ZNF251: variants seen among roughly 807,000 people sequenced by gnomAD.
The protein encoded by ZNF251 is zinc finger protein 251.
Under a neutral mutation model 13.5 loss-of-function variants are expected in ZNF251, and 14 were observed. That is an observed-to-expected ratio of 1.04 (90% CI 0.69 to 1.63). The LOEUF is 1.63. ZNF251 is among the 40% of genes most tolerant of loss of function. ZNF251 has a pLI of 0.00. For synonymous variants in ZNF251, 287 were observed against 295.2 expected (o/e 0.97, Z 0.28); for missense variants, 764 against 834.9 (o/e 0.92, Z 1.05).
At chr8:144,744,445 T>C (rs533506313) in intron 4 of ZNF251, among the ~76,000 whole-genome samples, 96 of 152,300 alleles carry the variant, frequency 6.3e-4, no homozygotes, top group African/African-American at 2.1e-3. Flanking sequence ...AGTTTTGTGG[T>C]TTACATTTAG....
chr8:144,754,590 C>T (rs1824866193), intron 2 of ZNF251, 106 bp downstream of exon 2: 3 of 1,478,642 alleles, frequency 2.0e-6, no homozygotes, highest in Admixed American at 5.3e-5. Flanking sequence ...CTATGAGCCC[C>T]TGGCTGGCCT....
intron 4 of ZNF251, among the ~76,000 whole-genome samples, chr8:144,737,938 G>A (rs1003129700): frequency 6.6e-6 from 1 of 151,920 alleles, no homozygotes; most frequent in Non-Finnish European, 1.5e-5. Flanking sequence ...TCTGGTCAGG[G>A]TGCAGCAGAT....
intron 2 of ZNF251, 100 bp downstream of exon 2, chr8:144,754,596 G>A: frequency 1.3e-6 from 2 of 1,491,372 alleles, no homozygotes; most frequent in Middle Eastern, 1.8e-4. Context: ...GCCCCTGGCT[G>A]GCCTTACCAG....
chr8:144,736,047 C>A (rs1823878391), intron 4 of ZNF251, among the ~76,000 whole-genome samples: 1 of 152,208 alleles, frequency 6.6e-6, no homozygotes, highest in Admixed American at 6.5e-5. Flanking sequence ...AAGAACCGGA[C>A]CCTCATGGGC....
At chr8:144,731,924 T>G (rs1823706855) in intron 4 of ZNF251, among the ~76,000 whole-genome samples, 1 of 147,228 alleles carries the variant, frequency 6.8e-6, no homozygotes, top group African/African-American at 2.6e-5. Flanking sequence ...TTAAATTCAA[T>G]AAAGGACATG....
In ZNF251 at chr8:144,724,070, C is replaced by T. The variant is rs535955060; in HGVS notation, c.278-688G>A. On this transcript the variant is annotated intron_variant, in intron 4 of 4. Transcript: ENST00000292562. Reference sequence around the variant, plus strand: ...CATCCTGGGTAACACGGTGAAACCCCGTCTCTACTAAAAATACAAAAAAAT... The same window carrying T: ...CATCCTGGGTAACACGGTGAAACCCTGTCTCTACTAAAAATACAAAAAAAT... Among the ~76,000 whole-genome samples, 177 of 152,014 alleles carry T rather than the reference C, an allele frequency of 1.2e-3. 1 individual carries two copies. The highest frequency in any genetic ancestry group is 3.8e-3 in the African/African-American group (159 of 41,476).
At chr8:144,742,343 C>G (rs1440077684) in intron 4 of ZNF251, among the ~76,000 whole-genome samples, 1 of 152,034 alleles carries the variant, frequency 6.6e-6, no homozygotes, top group African/African-American at 2.4e-5. Flanking sequence ...AAACTCAGAT[C>G]ATCAGAAAGG....
chr8:144,726,156 C>T (rs942712423), intron 4 of ZNF251, among the ~76,000 whole-genome samples: 3 of 144,464 alleles, frequency 2.1e-5, no homozygotes, highest in Non-Finnish European at 4.5e-5. Flanking sequence ...GAGATTGTGC[C>T]ACTGCACTCC....
At chr8:144,731,555 C>T (rs1823694896) in intron 4 of ZNF251, among the ~76,000 whole-genome samples, 1 of 150,714 alleles carries the variant, frequency 6.6e-6, no homozygotes. Flanking sequence ...AAGGAAGCGT[C>T]CTGTTAGTGC....
rs2722468 is a variant in ZNF251, at chr8:144,722,391, G to A, written c.1269C>T (p.His423=). 0.022 allele frequency: 35,921 copies of A among 1,613,800 alleles called. 4,890 individuals are homozygous for A. In the East Asian group the frequency reaches 0.41, roughly 19 times the overall value. ...AFGFNSHLTE[H]VRIHTGEKPY... ...GTTTTTCTCCTGTGTGAATCCTTAC[G>A]TGTTCAGTAAGATGAGAGTTAAAAC... is the stretch of plus-strand genomic sequence containing the variant. The change falls in exon 5 of 5, where the codon CAC becomes CAT. Residue 423 remains histidine (H), a synonymous_variant. Transcript: ENST00000292562. This position sits in a 1 kb window ranked among gnomAD's most constrained non-coding sequence, Gnocchi z 4.8.
chr8:144,744,186 ATT>A (rs754066108), intron 4 of ZNF251, among the ~76,000 whole-genome samples: 5 of 151,576 alleles, frequency 3.3e-5, no homozygotes, highest in Admixed American at 2.6e-4. Flanking sequence ...TGGTTTTTGT[ATT>A]TTTAGTAGAG....
intron 4 of ZNF251, among the ~76,000 whole-genome samples, chr8:144,740,911 C>A (rs1824129970): frequency 6.7e-6 from 1 of 149,468 alleles, no homozygotes; most frequent in African/African-American, 2.5e-5. Context: ...CCGGCCTGGG[C>A]AAGAAGAGCG....
At chr8:144,729,569 C>T (rs1823632092) in intron 4 of ZNF251, among the ~76,000 whole-genome samples, 1 of 152,086 alleles carries the variant, frequency 6.6e-6, no homozygotes, top group South Asian at 2.1e-4. Context: ...ATCTCCTGAC[C>T]TCGCCATCCA....
rs1460381641 is a variant in ZNF251, at chr8:144,721,716, T to C, written c.1944A>G (p.Lys648=). Residue 648 remains lysine, a synonymous_variant, in exon 5 of 5, where the codon AAA becomes AAG. Transcript: ENST00000292562. ...TPPQQTRVGE[K]PALNDGSKRY... is the part of the protein sequence containing the mutation. ...TTTTAGAGCCATCATTTAAAGCAGGTTTCTCTCCAACACGAGTCTGCTGAG... is the reference window on the plus strand; with the variant it reads ...TTTTAGAGCCATCATTTAAAGCAGGCTTCTCTCCAACACGAGTCTGCTGAG... 4 of 1,375,324 alleles carry C rather than the reference T, an allele frequency of 2.9e-6. No individual in the cohort carries two copies. The highest frequency in any genetic ancestry group is 3.9e-4 in the Middle Eastern group (2 of 5,140). 85.2% of individuals were successfully genotyped at this position (1,375,324 alleles called of 1,614,324 possible).
chr8:144,731,947 C>CTTTT (rs1563758169), intron 4 of ZNF251, among the ~76,000 whole-genome samples: 3 of 136,626 alleles, frequency 2.2e-5, no homozygotes, highest in African/African-American at 9.2e-5. Flanking sequence ...CTGACAGCTG[C>CTTTT]ATTTTTTTTT....
intron 4 of ZNF251, among the ~76,000 whole-genome samples, chr8:144,725,675 T>A (rs942506205): frequency 1.3e-5 from 2 of 152,212 alleles, no homozygotes; most frequent in African/African-American, 4.8e-5. Context: ...TGTTTTATTC[T>A]TCATCAGTTA....
chr8:144,754,207 T>A lies in ZNF251; in HGVS notation c.148A>T (p.Asn50Tyr). 1 of 1,613,848 alleles carries A rather than the reference T, an allele frequency of 6.2e-7. No homozygotes were observed. The highest frequency in any genetic ancestry group is 8.5e-7 in the Non-Finnish European group (1 of 1,179,848). The change falls in exon 3 of 5, where the codon AAC becomes TAC. Residue 50 changes from asparagine to tyrosine, a missense_variant. Transcript: ENST00000292562. Reference sequence around the variant, plus strand: ...AGAGCCTCACCCAGAGAGGCCACGTTCCCATAGTTCTCCAGCATCACATCC... The same window carrying A: ...AGAGCCTCACCCAGAGAGGCCACGTACCCATAGTTCTCCAGCATCACATCC... The part of the protein sequence containing the change: ...YRDVMLENYG[N>Y]VASLGFPVPK...
At chr8:144,741,710 T>C (rs1243172263) in intron 4 of ZNF251, among the ~76,000 whole-genome samples, 2 of 152,028 alleles carry the variant, frequency 1.3e-5, no homozygotes, top group Non-Finnish European at 2.9e-5. Flanking sequence ...ACACAATCTC[T>C]GAAATAAAGC....
chr8:144,726,306 G>A (rs1266870534), intron 4 of ZNF251, among the ~76,000 whole-genome samples: 2 of 151,990 alleles, frequency 1.3e-5, no homozygotes, highest in Non-Finnish European at 2.9e-5. Flanking sequence ...GGCAGAGGTG[G>A]GCAGATCACT....
Sources: allele counts gnomAD v4.1 joint callset (sites outside exome capture counted in the v4.1 genomes callset), GRCh38; gene constraint gnomAD v4.1.1; non-coding constraint Gnocchi (gnomAD v3.1); transcripts MANE v1.5; gene names NCBI Gene and HGNC (gene_info 2026-07-23, HGNC 2026-07-21).